Variants in FAR2 observed in about 807,000 individuals in gnomAD.
FAR2 encodes the protein epididymis secretory protein Li 81.
FAR2 carries 19 observed loss-of-function variants against 56.0 expected under a neutral mutation model. That is an observed-to-expected ratio of 0.34 (90% CI 0.24 to 0.50). The LOEUF is 0.50. FAR2 is among the 20% of genes least tolerant of loss of function. The pLI, the probability that FAR2 is intolerant of heterozygous loss-of-function variation, is 0.98. For missense variants in FAR2, 508 were observed against 642.2 expected (o/e 0.79, Z 2.26); for synonymous variants, 219 against 218.8 (o/e 1.00, Z -0.01).
chr12:29,200,153 A>G (rs1263424728), intron 1 of FAR2, among the ~76,000 whole-genome samples: 1 of 152,226 alleles, frequency 6.6e-6, no homozygotes, highest in Non-Finnish European at 1.5e-5. Context: ...CTTCTAGGCC[A>G]TATGGTGCCT....
intron 1 of FAR2, among the ~76,000 whole-genome samples, chr12:29,204,049 A>G (rs1316155543): frequency 6.7e-6 from 1 of 148,718 alleles, no homozygotes; most frequent in Admixed American, 6.7e-5. Flanking sequence ...GGTAAAGTGT[A>G]GCCTTTCAGT....
At chr12:29,257,922 TA>T (rs1230242728) in intron 1 of FAR2, among the ~76,000 whole-genome samples, 2 of 152,202 alleles carry the variant, frequency 1.3e-5, no homozygotes, top group African/African-American at 4.8e-5. Flanking sequence ...ACACCCTACC[TA>T]AATTGCCTTT....
chr12:29,199,271 G>C (rs1358187085), intron 1 of FAR2, among the ~76,000 whole-genome samples: 2 of 152,150 alleles, frequency 1.3e-5, no homozygotes. Flanking sequence ...TTAAAGAACT[G>C]TCAGCAAGAG....
chr12:29,305,976 T>C (rs1369768584), intron 4 of FAR2, among the ~76,000 whole-genome samples: 2 of 151,650 alleles, frequency 1.3e-5, no homozygotes, highest in South Asian at 2.1e-4. Flanking sequence ...GGCTCTGATG[T>C]TTCCTAGGTT....
intron 1 of FAR2, among the ~76,000 whole-genome samples, chr12:29,198,528 C>G (rs2136613797): frequency 6.6e-6 from 1 of 151,996 alleles, no homozygotes; most frequent in South Asian, 2.1e-4. Context: ...CGCCTGGCCT[C>G]TCCCATTATT....
At chr12:29,201,106 ACAT>A (rs969954852) in intron 1 of FAR2, among the ~76,000 whole-genome samples, 2 of 152,148 alleles carry the variant, frequency 1.3e-5, no homozygotes, top group Non-Finnish European at 2.9e-5. Context: ...GATGCCCTAT[ACAT>A]CATCTTCCTT....
chr12:29,321,949 C>T, intron 10 of FAR2, 25 bp downstream of exon 10: 4 of 1,588,438 alleles, frequency 2.5e-6, no homozygotes, highest in Non-Finnish European at 3.4e-6. Flanking sequence ...GACTTAAGCA[C>T]CAGGAAAATG....
chr12:29,298,036 CAA>C (rs71042980), intron 4 of FAR2, among the ~76,000 whole-genome samples: 3 of 123,592 alleles, frequency 2.4e-5, no homozygotes, highest in Non-Finnish European at 5.2e-5. Context: ...AACTCCGTCT[CAA>C]AAAAAAAAAA....
chr12:29,192,073 T>C (rs531937973), intron 1 of FAR2, among the ~76,000 whole-genome samples: 5 of 152,342 alleles, frequency 3.3e-5, no homozygotes, highest in South Asian at 2.1e-4. Flanking sequence ...TTCCAGTGAC[T>C]TTCAGAAAGT....
At chr12:29,330,772 C>T (rs1341255990) in intron 10 of FAR2, among the ~76,000 whole-genome samples, 6 of 152,062 alleles carry the variant, frequency 3.9e-5, no homozygotes, top group Non-Finnish European at 8.8e-5. Context: ...ACAAACTTGA[C>T]CTTTAGTGGT....
chr12:29,317,305 T>A (rs1949466663), intron 9 of FAR2, among the ~76,000 whole-genome samples: 1 of 152,198 alleles, frequency 6.6e-6, no homozygotes, highest in South Asian at 2.1e-4. Flanking sequence ...ATTTAAAATA[T>A]TATGTAAGAT....
intron 1 of FAR2, among the ~76,000 whole-genome samples, chr12:29,239,966 C>T (rs1948000338): frequency 6.6e-6 from 1 of 152,180 alleles, no homozygotes; most frequent in Admixed American, 6.5e-5. Flanking sequence ...ATCCAGTCAT[C>T]TGGCTCTTAC....
intron 1 of FAR2, among the ~76,000 whole-genome samples, chr12:29,248,585 G>T (rs952382480): frequency 7.9e-5 from 12 of 152,202 alleles, no homozygotes; most frequent in Non-Finnish European, 1.5e-4. Context: ...AATTAAAATT[G>T]CTAATGAAGT....
At chr12:29,176,105 A>G (rs1565682267) in intron 1 of FAR2, among the ~76,000 whole-genome samples, 1 of 152,242 alleles carries the variant, frequency 6.6e-6, no homozygotes, top group African/African-American at 2.4e-5. Context: ...CAAAAGCACT[A>G]AACATAGCAG....
At chr12:29,295,630 G>GT (rs1338747826) in intron 3 of FAR2, among the ~76,000 whole-genome samples, 3 of 147,958 alleles carry the variant, frequency 2.0e-5, no homozygotes, top group Admixed American at 6.7e-5. Context: ...TTTTTTATTT[G>GT]TTTTTTGTTA....
intron 8 of FAR2, 119 bp downstream of exon 8, chr12:29,312,069 A>C (rs772514955): frequency 1.2e-5 from 8 of 645,138 alleles, no homozygotes; most frequent in Non-Finnish European, 2.1e-5. Context: ...GTAAGTAAAG[A>C]GACAAAATAA....
intron 10 of FAR2, among the ~76,000 whole-genome samples, chr12:29,325,999 TGCTAGCAAG>T (rs1949638168): frequency 6.6e-6 from 1 of 151,802 alleles, no homozygotes; most frequent in Non-Finnish European, 1.5e-5. Flanking sequence ...ATTGATAGAC[TGCTAGCAAG>T]ACTAATAAAG....
chr12:29,229,431 G>A (rs1352665980), intron 1 of FAR2, among the ~76,000 whole-genome samples: 1 of 151,794 alleles, frequency 6.6e-6, no homozygotes, highest in Non-Finnish European at 1.5e-5. Context: ...TGGTGTTGAG[G>A]AACAAAAATA....
intron 1 of FAR2, among the ~76,000 whole-genome samples, chr12:29,249,019 C>A (rs896831016): frequency 6.6e-6 from 1 of 152,132 alleles, no homozygotes; most frequent in Non-Finnish European, 1.5e-5. Flanking sequence ...ACATGCTGTA[C>A]AATTTGTGCA....
Sources: gnomAD v4.1 joint callset for allele counts (sites outside exome capture counted in the v4.1 genomes callset) on GRCh38, gnomAD v4.1.1 for gene constraint, MANE v1.5 for transcripts, NCBI Gene and HGNC (gene_info 2026-07-23, HGNC 2026-07-21) for gene names.